Variants in MAP7 observed in about 807,000 individuals in gnomAD.
MAP7 encodes microtubule associated protein 7.
Under a neutral mutation model 94.8 loss-of-function variants are expected in MAP7, and 52 were observed. That is an observed-to-expected ratio of 0.55 (90% CI 0.44 to 0.69). The LOEUF (loss-of-function observed/expected upper bound fraction) is 0.69. MAP7 is among the 30% of genes least tolerant of loss of function. MAP7 has a pLI of 0.00. For synonymous variants in MAP7, 350 were observed against 357.0 expected, an observed-to-expected ratio of 0.98 and a Z score of 0.22; for missense variants, 940 against 964.6, an observed-to-expected ratio of 0.97 and a Z score of 0.34.
rs762840521 is a variant in MAP7 at position 136,389,339 on chromosome 6, C to CG, written c.408+14dup. On this transcript the variant is annotated intron_variant, in intron 4 of 17. Coordinates refer to ENST00000354570, the MANE Select transcript of MAP7 (RefSeq NM_003980.6). ...CTAGAGGAGCCACTCATATTCTTCC[C>CG]GGGGGGCGGCTCACTTTGTCCTCCT... The CG allele has an allele frequency of 1.4e-5, 21 of 1,519,282 alleles. No individual in the cohort carries two copies. Among genetic ancestry groups the CG allele is most frequent in the South Asian group, 2.7e-5 (2 of 74,630 alleles). 94.1% of individuals were successfully genotyped at this position (1,519,282 alleles called of 1,614,324 possible).
intron 3 of MAP7, among the ~76,000 whole-genome samples, chr6:136,406,761 C>A (rs966218809): frequency 6.6e-6 from 1 of 152,106 alleles, no homozygotes; most frequent in Non-Finnish European, 1.5e-5. Flanking sequence ...GTGGAGGTTG[C>A]AGTGAGCTGA....
intron 1 of MAP7, among the ~76,000 whole-genome samples, chr6:136,507,929 A>C (rs1177713728): frequency 6.6e-6 from 1 of 152,216 alleles, no homozygotes; most frequent in Non-Finnish European, 1.5e-5. Flanking sequence ...ACACACTGCA[A>C]GCTCCCTCAA....
chr6:136,390,835 A>G (rs1012968233), intron 3 of MAP7, among the ~76,000 whole-genome samples: 2 of 152,216 alleles, frequency 1.3e-5, no homozygotes, highest in Admixed American at 1.3e-4. Context: ...TAGGTGAAGA[A>G]AAGGAGAAGG....
At chr6:136,515,824 A>G (rs891106793) in intron 1 of MAP7, among the ~76,000 whole-genome samples, 1 of 152,224 alleles carries the variant, frequency 6.6e-6, no homozygotes, top group African/African-American at 2.4e-5. Context: ...AGAATTACCA[A>G]TATGTGATGC....
intron 1 of MAP7, among the ~76,000 whole-genome samples, chr6:136,456,810 GAA>G (rs1338409573): frequency 2.6e-4 from 21 of 80,472 alleles, no homozygotes; most frequent in South Asian, 1.5e-3. Flanking sequence ...AGAAGAAGAA[GAA>G]GAAGAAGAAG....
intron 10 of MAP7, among the ~76,000 whole-genome samples, chr6:136,363,172 C>G (rs2128572845): frequency 6.6e-6 from 1 of 152,368 alleles, no homozygotes; most frequent in Non-Finnish European, 1.5e-5. Flanking sequence ...ATGAAGAGGA[C>G]CCTTTTGTCT....
At chr6:136,477,186 T>C (rs1421294919) in intron 1 of MAP7, among the ~76,000 whole-genome samples, 2 of 152,196 alleles carry the variant, frequency 1.3e-5, no homozygotes. Context: ...CAAATCAACA[T>C]GTGCCTCCTG....
At chr6:136,399,167 G>GAT (rs1783353163) in intron 3 of MAP7, among the ~76,000 whole-genome samples, 1 of 152,226 alleles carries the variant, frequency 6.6e-6, no homozygotes, top group Middle Eastern at 3.4e-3. Flanking sequence ...ATCTGAGTTT[G>GAT]GGTCTTGAGT....
intron 3 of MAP7, among the ~76,000 whole-genome samples, chr6:136,401,371 G>C (rs1784027821): frequency 6.6e-6 from 1 of 152,048 alleles, no homozygotes; most frequent in Non-Finnish European, 1.5e-5. Flanking sequence ...GCAAAGACTT[G>C]GAACCAACCC....
chr6:136,372,383 T>G, intron 8 of MAP7, 118 bp downstream of exon 8: 1 of 1,142,940 alleles, frequency 8.7e-7, no homozygotes, highest in Non-Finnish European at 1.2e-6. Context: ...AAAGATGGGA[T>G]GGTGGATGTC....
intron 1 of MAP7, among the ~76,000 whole-genome samples, chr6:136,486,180 A>C (rs1255376117): frequency 6.6e-6 from 1 of 152,224 alleles, no homozygotes; most frequent in Non-Finnish European, 1.5e-5. Context: ...GCCAAAATCT[A>C]GGAGCTATAT....
At chr6:136,393,562 A>G (rs1562348274) in intron 3 of MAP7, among the ~76,000 whole-genome samples, 2 of 152,190 alleles carry the variant, frequency 1.3e-5, no homozygotes, top group African/African-American at 2.4e-5. Context: ...CAGAAGTGCC[A>G]TCTCTTCCAG....
At chr6:136,474,013 G>A (rs1181004544) in intron 1 of MAP7, among the ~76,000 whole-genome samples, 2 of 152,044 alleles carry the variant, frequency 1.3e-5, no homozygotes, top group African/African-American at 2.4e-5. Flanking sequence ...TGGTCAGGGA[G>A]GGCCTCTCTG....
rs529433991 is a variant in MAP7 at position 136,545,715 on chromosome 6, C to A, written c.67+4627G>T. Among the ~76,000 whole-genome samples the A allele has an allele frequency of 3.9e-5, 6 of 152,110 alleles. No individual in the cohort carries two copies. The East Asian group carries it at 1.2e-3, about 29-fold the overall frequency. On this transcript the variant is annotated intron_variant, in intron 1 of 17. Coordinates refer to ENST00000354570, the MANE Select transcript of MAP7 (RefSeq NM_003980.6). ...CCATCTAATTTTATATCCCACTTAC[C>A]CATTTTTAAAAGTTTATTTTTTTAT...
At chr6:136,501,796 C>A (rs930267993) in intron 1 of MAP7, among the ~76,000 whole-genome samples, 1 of 152,142 alleles carries the variant, frequency 6.6e-6, no homozygotes, top group Non-Finnish European at 1.5e-5. Context: ...TCAGATAAGG[C>A]TCCAGATGAA....
At chr6:136,402,667 G>A (rs1489594086) in intron 3 of MAP7, among the ~76,000 whole-genome samples, 2 of 152,194 alleles carry the variant, frequency 1.3e-5, no homozygotes, top group African/African-American at 2.4e-5. Context: ...AGCACTTTGG[G>A]AGGCCGAGGC....
chr6:136,416,581 G>A (rs1350047246), intron 2 of MAP7, among the ~76,000 whole-genome samples: 2 of 152,096 alleles, frequency 1.3e-5, no homozygotes, highest in African/African-American at 4.8e-5. Context: ...CGAGGCAGGC[G>A]AATCACTTGA....
chr6:136,354,567 G>A (rs1790323778), intron 16 of MAP7, among the ~76,000 whole-genome samples: 1 of 151,042 alleles, frequency 6.6e-6, no homozygotes, highest in African/African-American at 2.4e-5. Context: ...ATATTCTGAT[G>A]TTTATGTCTG....
At chr6:136,457,326 C>T (rs1490906239) in intron 1 of MAP7, among the ~76,000 whole-genome samples, 7 of 151,408 alleles carry the variant, frequency 4.6e-5, no homozygotes, top group South Asian at 2.1e-4. Flanking sequence ...AAAAAAATCC[C>T]GCCCCCATCC....
Sources: allele counts gnomAD v4.1 joint callset (sites outside exome capture counted in the v4.1 genomes callset), GRCh38; gene constraint gnomAD v4.1.1; transcripts MANE v1.5; gene names NCBI Gene and HGNC (gene_info 2026-07-23, HGNC 2026-07-21).